The following NCK2 variants were observed in gnomAD, a reference collection of about 807,000 sequenced individuals.
The protein encoded by NCK2 is NCK adaptor protein 2.
A neutral mutation model predicts 33.9 loss-of-function variants in NCK2; 16 were observed. The observed-to-expected ratio is 0.47, with a 90% CI of 0.32 to 0.72. NCK2 has a LOEUF of 0.72. NCK2 is among the 30% of genes least tolerant of loss of function. NCK2 has a pLI of 0.03. For synonymous variants in NCK2, 273 were observed against 239.9 expected, an observed-to-expected ratio of 1.14 and a Z score of -1.27; for missense variants, 418 against 537.3, an observed-to-expected ratio of 0.78 and a Z score of 2.19.
In NCK2 at chr2:105,881,341, G is replaced by T. The variant is rs750177299; in HGVS notation, c.240G>T (p.Thr80=). 3 of 1,597,600 alleles carry T rather than the reference G, an allele frequency of 1.9e-6. No individual in the cohort carries two copies. The Admixed American group carries it at 5.0e-5, about 27-fold the overall frequency. ...NLKDTLGLGK[T]RRKTSARDAS... ...GTGTCTCCACAGGCCTCGGCAAGAC[G>T]CGCAGGAAGACCAGCGCGCGGGATG... Residue 80 remains threonine (T), a synonymous_variant, in exon 4 of 5, where the codon ACG becomes ACT. Transcript: ENST00000233154.
chr2:105,838,764 C>T lies in NCK2; in HGVS notation c.-16-16284C>T, dbSNP rs902078047. On this transcript the variant is annotated intron_variant, in intron 2 of 4. Transcript: ENST00000233154. ...TCAACACCTACTGATGGAGGCCGAC[C>T]GTAGGCCTTTCATCCACTCTCTCTT... Among the ~76,000 whole-genome samples the T allele has an allele frequency of 6.6e-5, 10 of 152,114 alleles. No individual in the cohort carries two copies. The East Asian group carries it at 7.7e-4, about 12-fold the overall frequency.
intron 1 of NCK2, among the ~76,000 whole-genome samples, chr2:105,807,637 G>A (rs1675099350): frequency 2.0e-5 from 3 of 152,004 alleles, no homozygotes; most frequent in South Asian, 2.1e-4. Flanking sequence ...GAGCCCCTGC[G>A]GAGGCTGATC....
chr2:105,886,746 A>G (rs1399956426), intron 4 of NCK2, among the ~76,000 whole-genome samples: 1 of 152,226 alleles, frequency 6.6e-6, no homozygotes, highest in African/African-American at 2.4e-5. Context: ...GAGGTATTAC[A>G]TGTGACTTTA....
intron 2 of NCK2, among the ~76,000 whole-genome samples, chr2:105,826,776 G>A (rs1675969121): frequency 2.0e-5 from 3 of 151,694 alleles, no homozygotes. Flanking sequence ...CCTTATCCTG[G>A]CACATTTTAG....
chr2:105,754,393 A>G (rs560059558), intron 1 of NCK2, among the ~76,000 whole-genome samples: 7 of 152,346 alleles, frequency 4.6e-5, no homozygotes, highest in South Asian at 2.1e-4. Context: ...AAGTCCATCA[A>G]TGTCTCCTTC....
chr2:105,793,856 G>A (rs549892473), intron 1 of NCK2, among the ~76,000 whole-genome samples: 12 of 152,244 alleles, frequency 7.9e-5, no homozygotes, highest in East Asian at 3.9e-4. Context: ...TGGGGTCTGC[G>A]TGCCTTCAAA....
chr2:105,769,529 A>G (rs1250676987), intron 1 of NCK2, among the ~76,000 whole-genome samples: 3 of 152,210 alleles, frequency 2.0e-5, no homozygotes. Flanking sequence ...ACTTATAATA[A>G]CGTACAGAAG....
chr2:105,769,860 C>T (rs1423574979), intron 1 of NCK2, among the ~76,000 whole-genome samples: 1 of 152,208 alleles, frequency 6.6e-6, no homozygotes, highest in Non-Finnish European at 1.5e-5. Flanking sequence ...TTGGCCTCTC[C>T]TCCTTCCGTG....
intron 3 of NCK2, among the ~76,000 whole-genome samples, chr2:105,857,943 G>A (rs1259989324): frequency 6.6e-6 from 1 of 152,142 alleles, no homozygotes; most frequent in South Asian, 2.1e-4. Flanking sequence ...TAGATGTGGC[G>A]TTGCCAAGAA....
At chr2:105,849,046 T>C (rs1424067169) in intron 2 of NCK2, among the ~76,000 whole-genome samples, 2 of 152,220 alleles carry the variant, frequency 1.3e-5, no homozygotes, top group East Asian at 1.9e-4. Context: ...GGAAGTAACA[T>C]GTTAGACTTG....
At chr2:105,826,456 T>C (rs1182097692) in intron 2 of NCK2, among the ~76,000 whole-genome samples, 1 of 152,144 alleles carries the variant, frequency 6.6e-6, no homozygotes, top group Non-Finnish European at 1.5e-5. Flanking sequence ...GTAGTGTGGA[T>C]GATATGTTAG....
rs1558892247 is a variant in NCK2, at chr2:105,893,213, CG to C, written c.*39del. On this transcript the variant is annotated 3_prime_UTR_variant, in exon 5 of 5. Coordinates refer to ENST00000233154, the MANE Select transcript of NCK2 (RefSeq NM_003581.5). ...CCCCACACTCGCCTCCCGGGCCCCA[CG>C]GTGGAGCTGCCCGCCCGGCCTTGTG... 1 of 1,532,144 alleles carries C rather than the reference CG, an allele frequency of 6.5e-7. No homozygotes were observed. The highest frequency in any genetic ancestry group is 2.0e-5 in the Admixed American group (1 of 49,928). The allele number at this position is 1,532,144 out of a possible 1,614,324, so 94.9% of individuals were successfully genotyped here.
In NCK2 at chr2:105,893,144, G is replaced by GAGA; in HGVS notation, c.1114_1116dup (p.Lys372dup). The GAGA allele has an allele frequency of 1.9e-6, 3 of 1,609,970 alleles. No homozygotes were observed. The highest frequency in any genetic ancestry group is 2.5e-6 in the Non-Finnish European group (3 of 1,178,012). ...GCCCATCTTCACCAGCGAGCACGGG[G>GAGA]AGAAGCTCTACCTCGTCAGGGCCCT... On this transcript the variant is annotated inframe_insertion, in exon 5 of 5. Transcript: ENST00000233154.
At chr2:105,790,241 T>C (rs1690832760) in intron 1 of NCK2, among the ~76,000 whole-genome samples, 1 of 152,218 alleles carries the variant, frequency 6.6e-6, no homozygotes, top group South Asian at 2.1e-4. Flanking sequence ...GATCTGTTGA[T>C]TGGATTAAAA....
intron 2 of NCK2, among the ~76,000 whole-genome samples, chr2:105,851,456 A>G (rs1345144555): frequency 1.3e-5 from 2 of 152,010 alleles, no homozygotes; most frequent in Non-Finnish European, 2.9e-5. Context: ...GACAGGTTTC[A>G]CCGTGTTAGC....
intron 3 of NCK2, among the ~76,000 whole-genome samples, chr2:105,870,306 G>A (rs756775639): frequency 4.6e-5 from 7 of 152,242 alleles, no homozygotes; most frequent in Non-Finnish European, 1.0e-4. Flanking sequence ...ACCCAGGCAG[G>A]GTGGCTGCTT....
Position 105,855,122 on chromosome 2 carries a change from A to G in NCK2, c.59A>G (p.Glu20Gly). ...GACTACACCGCCCAGCAGGACCAGG[A>G]GCTGGACATCAAGAAGAACGAGCGG... ...KWDYTAQQDQ[E>G]LDIKKNERLW... The change falls in exon 3 of 5, where the codon GAG becomes GGG. Residue 20 changes from glutamate to glycine, a missense_variant. Glu to Gly is a moderately conservative substitution (Grantham distance 98). Transcript: ENST00000233154. The G allele has an allele frequency of 6.2e-7, 1 of 1,614,218 alleles. No homozygotes were observed. The highest frequency in any genetic ancestry group is 1.3e-5 in the African/African-American group (1 of 75,048).
chr2:105,823,538 G>T (rs887666543), intron 2 of NCK2, among the ~76,000 whole-genome samples: 1 of 151,912 alleles, frequency 6.6e-6, no homozygotes, highest in African/African-American at 2.4e-5. Flanking sequence ...TGTCAAAATG[G>T]TTATAAAACA....
At chr2:105,832,741 A>C (rs151300734) in intron 2 of NCK2, among the ~76,000 whole-genome samples, 38 of 147,914 alleles carry the variant, frequency 2.6e-4, no homozygotes, top group African/African-American at 9.6e-4. Context: ...ATCTATGTTC[A>C]TCAGGCACAT....
Sources: allele counts gnomAD v4.1 joint callset (sites outside exome capture counted in the v4.1 genomes callset), GRCh38; gene constraint gnomAD v4.1.1; transcripts MANE v1.5; gene names NCBI Gene and HGNC (gene_info 2026-07-23, HGNC 2026-07-21).